The following MTFR1 variants were observed in gnomAD, a reference collection of about 807,000 sequenced individuals.
MTFR1 encodes the protein chondrocyte protein with a poly-proline region.
A neutral mutation model predicts 38.8 loss-of-function variants in MTFR1; 28 were observed. That is an observed-to-expected ratio of 0.72 (90% CI 0.53 to 0.99). The LOEUF (loss-of-function observed/expected upper bound fraction) is 0.99. Among genes scored for constraint, MTFR1 ranks in the 50% least tolerant of loss-of-function variants. The pLI is 0.00. For synonymous variants in MTFR1, 145 were observed against 137.0 expected (o/e 1.06, Z -0.41); for missense variants, 358 against 395.5 (o/e 0.91, Z 0.81).
chr8:65,758,848 C>G (rs1361024383), intron 3 of MTFR1, among the ~76,000 whole-genome samples: 1 of 152,180 alleles, frequency 6.6e-6, no homozygotes, highest in African/African-American at 2.4e-5. Flanking sequence ...TCAGGTCTAT[C>G]CCATCTGTAG....
intron 4 of MTFR1, among the ~76,000 whole-genome samples, chr8:65,697,134 G>A (rs1805470220): frequency 6.6e-6 from 1 of 151,706 alleles, no homozygotes; most frequent in African/African-American, 2.4e-5. Flanking sequence ...ACAGGCGCCT[G>A]CCTCCATGCC....
chr8:65,673,054 T>C (rs1804606214), intron 2 of MTFR1, among the ~76,000 whole-genome samples: 1 of 152,256 alleles, frequency 6.6e-6, no homozygotes, highest in Admixed American at 6.5e-5. Flanking sequence ...GCCAGAGACC[T>C]AGTTTTCAGC....
rs549587639 is a variant in MTFR1 at position 65,706,700 on chromosome 8, T to C, written c.518-310T>C. Among the ~76,000 whole-genome samples the C allele has an allele frequency of 6.6e-5, 10 of 152,360 alleles. No homozygotes were observed. The East Asian group carries it at 1.7e-3, about 26-fold the overall frequency. On this transcript the variant is annotated intron_variant, in intron 5 of 7. Coordinates refer to ENST00000262146, the MANE Select transcript of MTFR1 (RefSeq NM_014637.4). Reference sequence around the variant, plus strand: ...AGACTTGTTTTTGCAGTACTTTGTTTTATATTTCTGTTAAAAGTGATTACA... The same window carrying C: ...AGACTTGTTTTTGCAGTACTTTGTTCTATATTTCTGTTAAAAGTGATTACA...
At chr8:65,705,914 T>G (rs534384194) in intron 5 of MTFR1, among the ~76,000 whole-genome samples, 1 of 152,362 alleles carries the variant, frequency 6.6e-6, no homozygotes, top group South Asian at 2.1e-4. Context: ...GCCTTGAAAT[T>G]CTAGCCCACT....
intron 1 of MTFR1, among the ~76,000 whole-genome samples, chr8:65,663,898 C>G (rs1401330792): frequency 6.7e-6 from 1 of 148,938 alleles, no homozygotes; most frequent in Non-Finnish European, 1.5e-5. Flanking sequence ...CACCTCGGCT[C>G]ACTGCAACAA....
chr8:65,710,738 C>T (rs1398083100), downstream of MTFR1, among the ~76,000 whole-genome samples: 1 of 152,106 alleles, frequency 6.6e-6, no homozygotes, highest in Non-Finnish European at 1.5e-5. Context: ...AGCATTAAAA[C>T]AGGACAGTCA....
At chr8:65,652,358 A>G (rs549160254) in intron 1 of MTFR1, among the ~76,000 whole-genome samples, 1 of 151,958 alleles carries the variant, frequency 6.6e-6, no homozygotes, top group Admixed American at 6.6e-5. Flanking sequence ...CCACCTCCCA[A>G]AGTGCTGGGA....
chr8:65,715,048 A>G (rs1020176735), downstream of MTFR1, among the ~76,000 whole-genome samples: 2 of 152,210 alleles, frequency 1.3e-5, no homozygotes, highest in Non-Finnish European at 2.9e-5. Flanking sequence ...AGACTCCCTC[A>G]GCCCCTGAAA....
Position 65,682,169 on chromosome 8 carries a change from CTCTA to C in MTFR1, c.67-174_67-171del, listed in dbSNP as rs748452273. ...TTTATTGAATTAATAATATCTATCT[CTCTA>C]TCTATCTATATATTCTTTATTTTTG... On this transcript the variant is annotated intron_variant, in intron 2 of 7. Transcript: ENST00000262146. The C allele has an allele frequency of 3.4e-3, 949 of 275,698 alleles. 4 individuals are homozygous for C. The highest frequency in any genetic ancestry group is 0.018 in the African/African-American group (806 of 45,024). 17.1% of individuals were successfully genotyped at this position (275,698 alleles called of 1,614,324 possible).
chr8:65,749,156 A>G (rs1415664749), intron 3 of MTFR1, among the ~76,000 whole-genome samples: 1 of 152,176 alleles, frequency 6.6e-6, no homozygotes, highest in Admixed American at 6.5e-5. Context: ...ATTCATCTAT[A>G]ATAGTACTTC....
intron 1 of MTFR1, among the ~76,000 whole-genome samples, chr8:65,656,767 C>G (rs1220998416): frequency 6.6e-6 from 1 of 151,778 alleles, no homozygotes; most frequent in East Asian, 1.9e-4. Flanking sequence ...TCCCAAAGTT[C>G]TGGGATTACA....
chr8:65,655,951 A>AAAAAATATATATATATAC (rs1554545336), intron 1 of MTFR1, among the ~76,000 whole-genome samples: 2 of 55,404 alleles, frequency 3.6e-5, no homozygotes, highest in African/African-American at 2.7e-4. Flanking sequence ...TAAAAAAAAA[A>AAAAAATATATATATATAC]ATATATATAT....
chr8:65,698,665 C>T (rs1805518214), intron 4 of MTFR1, among the ~76,000 whole-genome samples: 1 of 151,740 alleles, frequency 6.6e-6, no homozygotes, highest in Non-Finnish European at 1.5e-5. Context: ...AAGCATAGGA[C>T]TCAATAGGTA....
chr8:65,715,875 C>A (rs1436018013), intron 2 of MTFR1, among the ~76,000 whole-genome samples: 2 of 149,978 alleles, frequency 1.3e-5, no homozygotes, highest in Non-Finnish European at 3.0e-5. Flanking sequence ...GTAGTCCCAG[C>A]GACCTGGGAG....
At chr8:65,701,169 A>G (rs1235149231) in intron 4 of MTFR1, among the ~76,000 whole-genome samples, 1 of 152,210 alleles carries the variant, frequency 6.6e-6, no homozygotes, top group Non-Finnish European at 1.5e-5. Flanking sequence ...TCTCCTTTAA[A>G]TATTGAAGCC....
At chr8:65,744,374 T>C (rs528682055) in intron 3 of MTFR1, among the ~76,000 whole-genome samples, 1 of 152,226 alleles carries the variant, frequency 6.6e-6, no homozygotes, top group African/African-American at 2.4e-5. Flanking sequence ...TAAGGTTTAG[T>C]GGTCCTCAAT....
chr8:65,727,451 C>A, intron 3 of MTFR1: 2 of 1,077,610 alleles, frequency 1.9e-6, no homozygotes, highest in Non-Finnish European at 2.6e-6. Context: ...TTAGGTTCAC[C>A]AAGCACATCT....
intron 1 of MTFR1, among the ~76,000 whole-genome samples, chr8:65,656,485 C>A (rs1809273784): frequency 6.6e-6 from 1 of 151,420 alleles, no homozygotes; most frequent in Non-Finnish European, 1.5e-5. Context: ...AGGCATGTAC[C>A]ACCATGCCTG....
At chr8:65,746,282 A>C (rs1459072741) in intron 3 of MTFR1, among the ~76,000 whole-genome samples, 3 of 152,096 alleles carry the variant, frequency 2.0e-5, no homozygotes. Context: ...ACAAGCAAAA[A>C]ATAACTAACT....
Sources: allele counts gnomAD v4.1 joint callset (sites outside exome capture counted in the v4.1 genomes callset), GRCh38; gene constraint gnomAD v4.1.1; transcripts MANE v1.5; gene names NCBI Gene and HGNC (gene_info 2026-07-23, HGNC 2026-07-21).